Variants in STARD13 observed in about 807,000 individuals in gnomAD.
STARD13 encodes StAR related lipid transfer domain containing 13.
A neutral mutation model predicts 106.4 loss-of-function variants in STARD13; 62 were observed. The ratio of observed to expected loss-of-function variants is 0.58; its 90% CI spans 0.48 to 0.72. The LOEUF is 0.72. STARD13 is among the 30% of genes least tolerant of loss of function. STARD13 has a pLI of 0.00. For synonymous variants in STARD13, 565 were observed against 553.0 expected (o/e 1.02, Z -0.31); for missense variants, 1,387 against 1,424.0 (o/e 0.97, Z 0.42).
chr13:33,296,143 C>T (rs1197448417), intron 1 of STARD13, among the ~76,000 whole-genome samples: 5 of 151,812 alleles, frequency 3.3e-5, no homozygotes, highest in Non-Finnish European at 7.4e-5. Context: ...GCACAAGAAT[C>T]GCTTGAACCC....
At chr13:33,429,328 G>A in the STARD13 span, among the ~76,000 whole-genome samples, 1 of 152,196 alleles carries the variant, frequency 6.6e-6, no homozygotes, top group Non-Finnish European at 1.5e-5. Flanking sequence ...CGGGCGTGGT[G>A]GCTCACGCCT....
chr13:33,437,792 G>C, the STARD13 span, among the ~76,000 whole-genome samples: 3 of 152,082 alleles, frequency 2.0e-5, no homozygotes, highest in East Asian at 5.8e-4. Context: ...CCTTCTCCCA[G>C]AGTGCTTTCC....
chr13:33,630,886 C>G, the STARD13 span, among the ~76,000 whole-genome samples: 1 of 152,292 alleles, frequency 6.6e-6, no homozygotes, highest in African/African-American at 2.4e-5. Flanking sequence ...ACACGTTTCC[C>G]ATCCTTGTCT....
At chr13:33,257,376 C>A (rs538811676) in intron 1 of STARD13, among the ~76,000 whole-genome samples, 1 of 152,306 alleles carries the variant, frequency 6.6e-6, no homozygotes, top group East Asian at 1.9e-4. Flanking sequence ...GGGTCAGCAA[C>A]TTTGCAAGAC....
the STARD13 span, among the ~76,000 whole-genome samples, chr13:33,422,135 A>C: frequency 6.6e-6 from 1 of 152,216 alleles, no homozygotes; most frequent in African/African-American, 2.4e-5. Flanking sequence ...GTATTCAATA[A>C]GAAAAAGAGG....
intron 1 of STARD13, among the ~76,000 whole-genome samples, chr13:33,264,396 G>A (rs1409192396): frequency 6.6e-6 from 1 of 152,202 alleles, no homozygotes; most frequent in Non-Finnish European, 1.5e-5. Context: ...CAAACAATGT[G>A]CTCCCTGAGG....
the STARD13 span, among the ~76,000 whole-genome samples, chr13:33,640,674 C>T: frequency 2.0e-5 from 3 of 152,118 alleles, no homozygotes; most frequent in Admixed American, 2.0e-4. Flanking sequence ...TTGTAAATGT[C>T]CCTGCTCAGA....
At chr13:33,273,991 C>T (rs1891287990) in intron 1 of STARD13, 1 of 151,904 alleles carries the variant, frequency 6.6e-6, no homozygotes, top group Non-Finnish European at 1.5e-5. Context: ...ATACTAATAT[C>T]GATCTTCAAG....
At chr13:33,338,883 T>A (rs1338847085) in intron 1 of STARD13, among the ~76,000 whole-genome samples, 3 of 38,282 alleles carry the variant, frequency 7.8e-5, no homozygotes, top group Non-Finnish European at 1.4e-4. Context: ...AGACTCCGTC[T>A]CAAAAAAAAA....
the STARD13 span, chr13:33,610,891 C>T: frequency 6.6e-6 from 1 of 152,290 alleles, no homozygotes; most frequent in Non-Finnish European, 1.5e-5. Flanking sequence ...CTGTCCTCCT[C>T]CTGCTGTGAC....
chr13:33,671,162 C>T, the STARD13 span, among the ~76,000 whole-genome samples: 1 of 152,044 alleles, frequency 6.6e-6, no homozygotes, highest in Non-Finnish European at 1.5e-5. Context: ...GCTGGTTATT[C>T]CTATTAGGCA....
chr13:33,115,412 G>T (rs562720188), intron 8 of STARD13, among the ~76,000 whole-genome samples: 1 of 152,180 alleles, frequency 6.6e-6, no homozygotes, highest in Non-Finnish European at 1.5e-5. Context: ...CTCCATGCTC[G>T]TCCAGTTCGG....
At chr13:33,315,186 T>C (rs545632294) in intron 1 of STARD13, among the ~76,000 whole-genome samples, 2 of 152,240 alleles carry the variant, frequency 1.3e-5, no homozygotes, top group African/African-American at 2.4e-5. Flanking sequence ...TCCCCTCAGA[T>C]ACCTGTCTTT....
chr13:33,115,267 G>A (rs1875196588), intron 8 of STARD13, among the ~76,000 whole-genome samples: 1 of 152,166 alleles, frequency 6.6e-6, no homozygotes, highest in Non-Finnish European at 1.5e-5. Context: ...AGGAGGAACC[G>A]TTCCTCTCTG....
At chr13:33,565,928 C>G in the STARD13 span, among the ~76,000 whole-genome samples, 3 of 148,618 alleles carry the variant, frequency 2.0e-5, no homozygotes, top group African/African-American at 4.9e-5. Context: ...GCACTTCTAC[C>G]TATATCTGTA....
At chr13:33,545,756 C>T in the STARD13 span, among the ~76,000 whole-genome samples, 2 of 152,182 alleles carry the variant, frequency 1.3e-5, no homozygotes, top group Non-Finnish European at 2.9e-5. Flanking sequence ...GCTGCTTTGT[C>T]TTGCTTCCTC....
chr13:33,228,621 T>C (rs1249361357), intron 1 of STARD13, among the ~76,000 whole-genome samples: 2 of 152,224 alleles, frequency 1.3e-5, no homozygotes, highest in Admixed American at 6.5e-5. Context: ...CTTCCAAGCA[T>C]ACTATTTATC....
At chr13:33,168,342 TC>T in intron 1 of STARD13, among the ~76,000 whole-genome samples, 1 of 152,106 alleles carries the variant, frequency 6.6e-6, no homozygotes, top group Non-Finnish European at 1.5e-5. Flanking sequence ...GGTTGATATG[TC>T]CCTTGGGTGA....
chr13:33,288,593 A>G (rs1892168254), upstream of STARD13, among the ~76,000 whole-genome samples: 1 of 151,828 alleles, frequency 6.6e-6, no homozygotes, highest in Middle Eastern at 3.2e-3. Flanking sequence ...TTTTTTTTAA[A>G]AAAAGGGAAT....
Sources: allele counts gnomAD v4.1 joint callset (sites outside exome capture counted in the v4.1 genomes callset), GRCh38; gene constraint gnomAD v4.1.1; transcripts MANE v1.5; gene names NCBI Gene and HGNC (gene_info 2026-07-23, HGNC 2026-07-21).